Variants in IGSF9 observed in about 807,000 individuals in gnomAD.
The protein encoded by IGSF9 is immunoglobulin superfamily member 9.
IGSF9 carries 87 observed loss-of-function variants against 121.7 expected under a neutral mutation model. The ratio of observed to expected loss-of-function variants is 0.71; its 90% CI spans 0.60 to 0.85. IGSF9 has a LOEUF of 0.85. Among genes scored for constraint, IGSF9 ranks in the 40% least tolerant of loss-of-function variants. The pLI is 0.00. For synonymous variants in IGSF9, 640 were observed against 648.4 expected (o/e 0.99, Z 0.20); for missense variants, 1,462 against 1,565.3 (o/e 0.93, Z 1.11).
Position 159,932,034 on chromosome 1 carries a change from C to A in IGSF9, c.1246-106G>T. Reference sequence around the variant, plus strand: ...TGCCATGTCTCACCTCACTCTCCCTCACTCCCCCTAGCTAAACACTCACCA... The same window carrying A: ...TGCCATGTCTCACCTCACTCTCCCTAACTCCCCCTAGCTAAACACTCACCA... On this transcript the variant is annotated intron_variant, in intron 10 of 20. Transcript: ENST00000368094. The surrounding 1 kb of genome is among the most constrained non-coding windows in gnomAD (Gnocchi z 4.1). 1 of 700,350 alleles carries A rather than the reference C, an allele frequency of 1.4e-6. No homozygotes were observed. The highest frequency in any genetic ancestry group is 1.8e-5 in the South Asian group (1 of 57,082). The allele number at this position is 700,350 out of a possible 1,614,324, so 43.4% of individuals were successfully genotyped here. A position where few individuals can be genotyped will look rare whatever the true frequency, so the allele number is the denominator to read the frequency against.
rs1038121889 is a variant in IGSF9, at chr1:159,927,427, C to T, written c.3458G>A (p.Arg1153His). 5.6e-6 allele frequency: 9 copies of T among 1,613,934 alleles called. No individual in the cohort carries two copies. Among genetic ancestry groups the T allele is most frequent in the East Asian group, 2.2e-5 (1 of 44,898 alleles). The change falls in exon 21 of 21, where the codon CGC becomes CAC. Residue 1153 changes from arginine (R) to histidine (H), a missense_variant. This residue lies in a region of IGSF9 where 808 missense variants were observed against 815.2 expected (regional missense o/e 0.99). Coordinates refer to ENST00000368094, the MANE Select transcript of IGSF9 (RefSeq NM_001135050.2). Reference sequence around the variant, plus strand: ...AGCCCTAGTAGCATCTCGGCGGCGGCGGAAGGCCAGGAATTCCTCCCGAAG... The same window carrying T: ...AGCCCTAGTAGCATCTCGGCGGCGGTGGAAGGCCAGGAATTCCTCCCGAAG... ...AALREEFLAF[R>H]RRRDATRARL...
In IGSF9 at chr1:159,932,689, C is replaced by T. The variant is rs1392881149; in HGVS notation, c.1105-37G>A. On this transcript the variant is annotated intron_variant, in intron 9 of 20. Transcript: ENST00000368094. The surrounding 1 kb of genome is among the most constrained non-coding windows in gnomAD (Gnocchi z 4.1). The stretch of plus-strand genomic sequence containing the variant: ...AGAAGATGACAGCTAGAGAGAGGAG[C>T]TCAGCAGAGACAAGCCCGGGATGGC... The T allele has an allele frequency of 3.8e-6, 6 of 1,582,772 alleles. No individual in the cohort carries two copies. Among genetic ancestry groups the T allele is most frequent in the Non-Finnish European group, 5.2e-6 (6 of 1,160,710 alleles).
At chr1:159,941,136 G>GCCTT (rs1651363060) in intron 3 of IGSF9, among the ~76,000 whole-genome samples, 1 of 152,194 alleles carries the variant, frequency 6.6e-6, no homozygotes, top group Non-Finnish European at 1.5e-5. Context: ...AAGATGGGAA[G>GCCTT]CCTTCCCTTC....
rs1469381501 is a variant in IGSF9 at position 159,931,182 on chromosome 1, A to G, written c.1593T>C (p.Phe531=). 6.2e-7 allele frequency: 1 copy of G among 1,614,142 alleles called. No homozygotes were observed. Among genetic ancestry groups the G allele is most frequent in the Admixed American group, 1.7e-5 (1 of 60,016 alleles). ...TGAATCTCTGCAGATAACCACCATCAAAGCCAGGCTCCCAGGAGACATTGG... is the reference window on the plus strand; with the variant it reads ...TGAATCTCTGCAGATAACCACCATCGAAGCCAGGCTCCCAGGAGACATTGG... ...KGANVSWEPG[F]DGGYLQRFSV... The change falls in exon 13 of 21, where the codon TTT becomes TTC. Residue 531 remains phenylalanine, a synonymous_variant. Transcript: ENST00000368094. This position sits in a 1 kb window ranked among gnomAD's most constrained non-coding sequence, Gnocchi z 4.8.
chr1:159,936,384 C>T lies in IGSF9; in HGVS notation c.673+15G>A. ...ATAGGTAACCCTGGACCCCAGCCCT[C>T]CCGCCAGAGAGCACCTAGCACTAGC... On this transcript the variant is annotated intron_variant, in intron 6 of 20. Coordinates refer to ENST00000368094, the MANE Select transcript of IGSF9 (RefSeq NM_001135050.2). The T allele has an allele frequency of 1.9e-6, 3 of 1,610,060 alleles. No homozygotes were observed. The highest frequency in any genetic ancestry group is 2.5e-6 in the Non-Finnish European group (3 of 1,176,590).
Position 159,931,799 on chromosome 1 carries a change from T to C in IGSF9, c.1362+13A>G. On this transcript the variant is annotated intron_variant, in intron 11 of 20. Transcript: ENST00000368094. The surrounding 1 kb of genome is among the most constrained non-coding windows in gnomAD (Gnocchi z 4.8). ...GGGCGTGGGTACAGGCAGAGCGGGC[T>C]CAGGAGCCTTACCTTGGTCCAAGAG... 1 of 1,537,632 alleles carries C rather than the reference T, an allele frequency of 6.5e-7. No individual in the cohort carries two copies. The highest frequency in any genetic ancestry group is 1.4e-5 in the African/African-American group (1 of 72,422).
chr1:159,929,497 A>C, intron 17 of IGSF9, 104 bp from the exon 18 acceptor site: 1 of 1,514,398 alleles, frequency 6.6e-7, no homozygotes, highest in South Asian at 1.2e-5. Flanking sequence ...CCGGCTGGGA[A>C]AAGCGTAGGC....
rs866483341 is a variant in IGSF9 at position 159,937,369 on chromosome 1, C to G, written c.400+317G>C. On this transcript the variant is annotated intron_variant, in intron 4 of 20. Transcript: ENST00000368094. The stretch of plus-strand genomic sequence containing the variant: ...CTATATATATGTGAGCTGTGTTTCA[C>G]TCAGGGCCCAAGAGCCCCTCTCTCC... 8.4e-5 allele frequency among the ~76,000 whole-genome samples: 11 copies of G among 130,608 alleles called. No homozygotes were observed. The Middle Eastern group carries it at 0.011, about 131-fold the overall frequency. The allele number at this position is 130,608 out of a possible 152,430, so 85.7% of individuals were successfully genotyped here.
chr1:159,944,157 G>GGGC (rs1651508803), intron 1 of IGSF9, among the ~76,000 whole-genome samples: 2 of 152,210 alleles, frequency 1.3e-5, no homozygotes, highest in South Asian at 2.1e-4. Context: ...AGCCAGTCAA[G>GGGC]GGCAAATCCA....
At chr1:159,944,624 G>A (rs542776000) in intron 1 of IGSF9, among the ~76,000 whole-genome samples, 1 of 152,288 alleles carries the variant, frequency 6.6e-6, no homozygotes, top group Non-Finnish European at 1.5e-5. Context: ...CTGGGGCATG[G>A]AGGGTAGGAG....
rs1459686430 is a variant in IGSF9, at chr1:159,928,751, A to C, written c.2637T>G (p.Arg879=). ...TGCTACAGTCAAAGGACCGGGCCAG[A>C]CGCTGGGCTGGAGTCCGAGGTTCTG... is the stretch of plus-strand genomic sequence containing the variant. ...EQAEPRTPAQ[R]LARSFDCSSS... Residue 879 remains arginine (R), a synonymous_variant, in exon 19 of 21, where the codon CGT becomes CGG. Transcript: ENST00000368094. The C allele has an allele frequency of 2.7e-6, 4 of 1,477,116 alleles. No homozygotes were observed. The South Asian group carries it at 4.2e-5, about 15-fold the overall frequency. The allele number at this position is 1,477,116 out of a possible 1,614,324, so 91.5% of individuals were successfully genotyped here. A position where few individuals can be genotyped will look rare whatever the true frequency, so the allele number is the denominator to read the frequency against.
intron 6 of IGSF9, 122 bp from the exon 7 acceptor site, chr1:159,934,944 CT>C (rs1651135081): frequency 1.7e-6 from 2 of 1,163,930 alleles, no homozygotes; most frequent in African/African-American, 3.1e-5. Flanking sequence ...TGTTACAGGG[CT>C]TTGGGGAGTG....
rs1186623075 is a variant in IGSF9 at position 159,927,599 on chromosome 1, G to A, written c.3359-73C>T. The A allele has an allele frequency of 4.8e-5, 74 of 1,556,180 alleles. No individual in the cohort carries two copies. In the South Asian group the frequency reaches 7.3e-4, roughly 15 times the overall value. On this transcript the variant is annotated intron_variant, in intron 20 of 20. Coordinates refer to ENST00000368094, the MANE Select transcript of IGSF9 (RefSeq NM_001135050.2). ...AGTGAAGAGCTCAGATGTGAAGCTC[G>A]CTAGGCCCTTCCAGTACAGATGGCC...
At position 159,929,930 on chromosome 1, in the gene IGSF9, C is replaced by T. The variant is rs1434429880; in HGVS notation, c.2110G>A (p.Val704Ile). The T allele has an allele frequency of 1.3e-6, 2 of 1,578,848 alleles. No homozygotes were observed. Among genetic ancestry groups the T allele is most frequent in the South Asian group, 2.3e-5 (2 of 87,210 alleles). ...FRLVAFAGSF[V>I]SDPSNTANVS... is the part of the protein sequence containing the mutation. The stretch of plus-strand genomic sequence containing the variant: ...TTGGCCGTGTTGCTGGGGTCGCTGA[C>T]GAAGCTGCCCGCGAAGGCCACGAGG... The change falls in exon 16 of 21, where the codon GTC (valine) becomes ATC (isoleucine). Residue 704 changes from valine (V) to isoleucine (I), a missense_variant. Val to Ile is a conservative substitution (Grantham distance 29, BLOSUM62 3). This residue lies in a region of IGSF9 where 808 missense variants were observed against 815.2 expected (regional missense o/e 0.99). Coordinates refer to ENST00000368094, the MANE Select transcript of IGSF9 (RefSeq NM_001135050.2).
At chr1:159,930,058 G>A in intron 15 of IGSF9, 83 bp from the exon 16 acceptor site, 1 of 1,552,942 alleles carries the variant, frequency 6.4e-7, no homozygotes, top group East Asian at 2.3e-5. Context: ...CCGTGCACGT[G>A]GGACGGAAGG....
Position 159,928,828 on chromosome 1 carries a change from C to A in IGSF9, c.2560G>T (p.Val854Leu). 2 of 1,530,450 alleles carry A rather than the reference C, an allele frequency of 1.3e-6. No homozygotes were observed. Among genetic ancestry groups the A allele is most frequent in the East Asian group, 2.4e-5 (1 of 41,784 alleles). 94.8% of individuals were successfully genotyped at this position (1,530,450 alleles called of 1,614,324 possible). ...GGGGCCGCCACAGTGGGCCCCATCA[C>A]AAAGCGCCCGTCTGGGCCCCGGCAA... ...PICRGPDGRF[V>L]MGPTVAAPQE... The change falls in exon 19 of 21, where the codon GTG (valine) becomes TTG (leucine). Residue 854 changes from valine (V) to leucine (L), a missense_variant. Around this residue, in one of 3 missense-constraint regions of IGSF9, gnomAD observed 808 missense variants for 815.2 expected, o/e 0.99. Transcript: ENST00000368094.
rs776140870 is a variant in IGSF9, at chr1:159,929,961, CTCGTAGAGAACA to C, written c.2067_2078del (p.Asp689_Tyr692del). The C allele has an allele frequency of 6.3e-6, 10 of 1,588,270 alleles. No homozygotes were observed. The highest frequency in any genetic ancestry group is 7.7e-6 in the Non-Finnish European group (9 of 1,168,204). On this transcript the variant is annotated inframe_deletion and splice_region_variant, in exon 16 of 21. Transcript: ENST00000368094. ...TGCCCGCGAAGGCCACGAGGCGGAACTCGTAGAGAACATCCTGCGATGGGGATGGGGTACCAG... is the reference window on the plus strand; with the variant it reads ...TGCCCGCGAAGGCCACGAGGCGGAACTCCTGCGATGGGGATGGGGTACCAG...
intron 18 of IGSF9, 49 bp from the exon 19 acceptor site, chr1:159,929,067 C>G (rs1251875156): frequency 1.3e-6 from 2 of 1,498,354 alleles, no homozygotes; most frequent in Non-Finnish European, 1.8e-6. Context: ...AGGTCCCCCT[C>G]CCAGGAGCCA....
Position 159,929,798 on chromosome 1 carries a change from A to T in IGSF9, c.2166T>A (p.Pro722=). The change falls in exon 17 of 21, where the codon CCT becomes CCA. Residue 722 remains proline, a synonymous_variant. Transcript: ENST00000368094. ...NVSTSGLEVY[P]SRTQLPGLLP... ...GGAGGCCCGGCAGCTGCGTGCGCGAAGGGTAGACCTCCAGACCTAGGCAGG... is the reference window on the plus strand; with the variant it reads ...GGAGGCCCGGCAGCTGCGTGCGCGATGGGTAGACCTCCAGACCTAGGCAGG... 6.2e-7 allele frequency: 1 copy of T among 1,605,846 alleles called. No individual in the cohort carries two copies.
Sources: allele counts gnomAD v4.1 joint callset (sites outside exome capture counted in the v4.1 genomes callset), GRCh38; gene constraint gnomAD v4.1.1; regional missense constraint gnomAD v4.1.1; non-coding constraint Gnocchi (gnomAD v3.1); transcripts MANE v1.5; gene names NCBI Gene and HGNC (gene_info 2026-07-23, HGNC 2026-07-21).